Variants in TENM2 observed in about 807,000 individuals in gnomAD.
TENM2 encodes the protein teneurin-2.
A neutral mutation model predicts 245.2 loss-of-function variants in TENM2; 52 were observed. The observed-to-expected ratio is 0.21, with a 90% CI of 0.17 to 0.27. TENM2 has a LOEUF of 0.27. TENM2 is among the 10% of genes least tolerant of loss of function. TENM2 has a pLI of 1.00. For missense variants in TENM2, 3,046 were observed against 3,666.8 expected, an observed-to-expected ratio of 0.83 and a Z score of 4.37; for synonymous variants, 1,363 against 1,438.9, an observed-to-expected ratio of 0.95 and a Z score of 1.19.
chr5:167,405,634 GC>G (rs1293990938), intron 2 of TENM2, among the ~76,000 whole-genome samples: 1 of 151,846 alleles, frequency 6.6e-6, no homozygotes, highest in Non-Finnish European at 1.5e-5. Context: ...AGTGTGCTCT[GC>G]AAAAGATTCA....
At chr5:167,977,847 C>T (rs933800996) in intron 4 of TENM2, among the ~76,000 whole-genome samples, 3 of 152,182 alleles carry the variant, frequency 2.0e-5, no homozygotes, top group Admixed American at 6.5e-5. Flanking sequence ...GATGTTTGTC[C>T]TCTCCATGTC....
chr5:167,380,269 A>G (rs1252855373), intron 2 of TENM2, among the ~76,000 whole-genome samples: 1 of 152,182 alleles, frequency 6.6e-6, no homozygotes, highest in Non-Finnish European at 1.5e-5. Context: ...ATGCTAAAAC[A>G]CAGCTGATAA....
intron 2 of TENM2, among the ~76,000 whole-genome samples, chr5:167,599,678 G>T (rs1024077671): frequency 3.3e-5 from 5 of 152,110 alleles, no homozygotes; most frequent in Non-Finnish European, 7.4e-5. Context: ...TAGCCAGATG[G>T]TTTTGTTGGG....
chr5:168,240,479 C>T (rs1430842441), intron 25 of TENM2, among the ~76,000 whole-genome samples: 1 of 152,184 alleles, frequency 6.6e-6, no homozygotes. Flanking sequence ...TTAAACCCAT[C>T]TATATCTTGT....
chr5:167,505,071 T>A (rs1371613276), intron 2 of TENM2, among the ~76,000 whole-genome samples: 2 of 152,158 alleles, frequency 1.3e-5, no homozygotes, highest in African/African-American at 2.4e-5. Context: ...TTGCGTTTAT[T>A]GGCGGGGATG....
chr5:167,131,413 G>A, the TENM2 span, among the ~76,000 whole-genome samples: 3 of 152,100 alleles, frequency 2.0e-5, no homozygotes, highest in Admixed American at 6.5e-5. Context: ...TGATATTCCC[G>A]ATTGAGTGCC....
At position 168,088,469 on chromosome 5, in the gene TENM2, T is replaced by G. The variant is rs757742339; in HGVS notation, c.1516-2105T>G. Reference sequence around the variant, plus strand: ...ATTTCCTTGAGAAATGGAGAAAATTTCAACTTCTAAGCAGCGGCCGTCACC... The same window carrying G: ...ATTTCCTTGAGAAATGGAGAAAATTGCAACTTCTAAGCAGCGGCCGTCACC... On this transcript the variant is annotated intron_variant, in intron 7 of 28. Coordinates refer to ENST00000518659, the Ensembl canonical transcript of TENM2. Among the ~76,000 whole-genome samples the G allele has an allele frequency of 3.9e-4, 59 of 152,134 alleles. 1 individual carries two copies. The highest frequency in any genetic ancestry group is 1.5e-4 in the Non-Finnish European group (10 of 68,026).
intron 2 of TENM2, among the ~76,000 whole-genome samples, chr5:167,800,386 C>T (rs1156468141): frequency 2.0e-5 from 3 of 152,164 alleles, no homozygotes; most frequent in African/African-American, 7.2e-5. Flanking sequence ...GGAAGTCTGT[C>T]GTGGAACACC....
chr5:168,243,875 G>A (rs963259692), intron 25 of TENM2, among the ~76,000 whole-genome samples: 1 of 150,824 alleles, frequency 6.6e-6, no homozygotes, highest in African/African-American at 2.4e-5. Context: ...TCCATAAGCT[G>A]CCTTATTTTT....
rs1440277495 is a variant in TENM2 at position 168,219,130 on chromosome 5, C to T, written c.5108+131C>T. ...TTCTAACTTTAATGATGTCTTATGG[C>T]CTCAAGACATTCATGTCCCCTCTCC... is the stretch of plus-strand genomic sequence containing the variant. On this transcript the variant is annotated intron_variant, in intron 23 of 28. Transcript: ENST00000518659. The T allele has an allele frequency of 1.1e-5, 10 of 880,722 alleles. No individual in the cohort carries two copies. The African/African-American group carries it at 1.5e-4, about 13-fold the overall frequency. 54.6% of individuals were successfully genotyped at this position (880,722 alleles called of 1,614,324 possible).
intron 5 of TENM2, among the ~76,000 whole-genome samples, chr5:168,003,186 G>A (rs2152048506): frequency 6.6e-6 from 1 of 152,064 alleles, no homozygotes; most frequent in South Asian, 2.1e-4. Context: ...TATGTACAAG[G>A]GTCTAACCAA....
intron 5 of TENM2, among the ~76,000 whole-genome samples, chr5:168,005,898 A>C (rs1784785508): frequency 6.6e-6 from 1 of 152,228 alleles, no homozygotes. Flanking sequence ...CAGAAAAGAC[A>C]GGAGAAGCAT....
At chr5:167,155,601 C>G in the TENM2 span, among the ~76,000 whole-genome samples, 1 of 152,200 alleles carries the variant, frequency 6.6e-6, no homozygotes, top group East Asian at 1.9e-4. Flanking sequence ...TTGGGCTTCA[C>G]TCGTGATTCA....
intron 23 of TENM2, among the ~76,000 whole-genome samples, chr5:168,219,941 G>A (rs895594643): frequency 3.3e-5 from 5 of 151,916 alleles, no homozygotes; most frequent in Non-Finnish European, 1.5e-5. Context: ...AATGGTCTTG[G>A]GAGAATGTAA....
At chr5:167,343,728 A>G (rs1005152137) in intron 1 of TENM2, among the ~76,000 whole-genome samples, 1 of 152,100 alleles carries the variant, frequency 6.6e-6, no homozygotes, top group African/African-American at 2.4e-5. Context: ...TTGTTCTTTA[A>G]TTTAAGATCA....
chr5:168,217,189 T>G (rs376766670), intron 22 of TENM2, among the ~76,000 whole-genome samples: 10 of 152,144 alleles, frequency 6.6e-5, no homozygotes, highest in African/African-American at 2.4e-4. Context: ...CGTGGCAGAT[T>G]ACAGGGTAGA....
chr5:168,195,433 TC>T, intron 15 of TENM2, 138 bp downstream of exon 17: 2 of 996,750 alleles, frequency 2.0e-6, no homozygotes, highest in Non-Finnish European at 2.9e-6. Flanking sequence ...TAGTGAGGAT[TC>T]CCCCAAAGAC....
At chr5:167,478,305 T>C (rs541211827) in intron 2 of TENM2, among the ~76,000 whole-genome samples, 2 of 152,334 alleles carry the variant, frequency 1.3e-5, no homozygotes, top group South Asian at 4.1e-4. Flanking sequence ...AGCTGTGGTT[T>C]AACTCATTGT....
chr5:167,641,502 A>G (rs10046048), intron 2 of TENM2, among the ~76,000 whole-genome samples: 7,230 of 152,228 alleles, frequency 0.047, 589 homozygotes, highest in African/African-American at 0.17. Flanking sequence ...AAAGATGGTC[A>G]CTGGTGTTTT....
Sources: allele counts gnomAD v4.1 joint callset (sites outside exome capture counted in the v4.1 genomes callset), GRCh38; gene constraint gnomAD v4.1.1; transcripts MANE v1.5; gene names NCBI Gene and HGNC (gene_info 2026-07-23, HGNC 2026-07-21).